The following WDR89 variants were observed in gnomAD, a reference collection of about 807,000 sequenced individuals.
WDR89 encodes WD repeat domain 89.
Under a neutral mutation model 29.1 loss-of-function variants are expected in WDR89, and 17 were observed. The observed-to-expected ratio is 0.58, with a 90% confidence interval of 0.40 to 0.88. The LOEUF (loss-of-function observed/expected upper bound fraction) is 0.88. Among genes scored for constraint, WDR89 ranks in the 40% least tolerant of loss-of-function variants. WDR89 has a pLI of 0.00. For missense variants in WDR89, 396 were observed against 456.3 expected (o/e 0.87, Z 1.20); for synonymous variants, 138 against 157.8 (o/e 0.87, Z 0.94).
At chr14:63,635,289 T>C (rs1595041011) in intron 1 of WDR89, among the ~76,000 whole-genome samples, 1 of 152,186 alleles carries the variant, frequency 6.6e-6, no homozygotes, top group African/African-American at 2.4e-5. Context: ...CATGATCAAG[T>C]AGGTTTCATA....
chr14:63,630,287 A>G (rs1883312593), intron 1 of WDR89, among the ~76,000 whole-genome samples: 1 of 152,004 alleles, frequency 6.6e-6, no homozygotes, highest in Non-Finnish European at 1.5e-5. Flanking sequence ...ACAATGTAGA[A>G]GATGGATTTA....
chr14:63,629,637 G>A (rs1883271571), intron 1 of WDR89, among the ~76,000 whole-genome samples: 1 of 152,238 alleles, frequency 6.6e-6, no homozygotes. Flanking sequence ...AGCAAGGGAA[G>A]AAGAGAAAGT....
chr14:63,611,389 C>A lies in WDR89; in HGVS notation c.-31-11416G>T, dbSNP rs115389964. 6.3e-3 allele frequency among the ~76,000 whole-genome samples: 813 copies of A among 128,268 alleles called. 6 individuals carry two copies. The highest frequency in any genetic ancestry group is 0.022 in the African/African-American group (780 of 34,934). 84.1% of individuals were successfully genotyped at this position (128,268 alleles called of 152,430 possible). The stretch of plus-strand genomic sequence containing the variant: ...TAAGATCATGAAAAAGAAAGAAAGA[C>A]CAACAAATCATCACAGATTGGGGGA... On this transcript the variant is annotated intron_variant, in intron 2 of 2. Transcript: ENST00000620954.
chr14:63,641,333 T>G (rs1474436274), intron 1 of WDR89: 1 of 152,194 alleles, frequency 6.6e-6, no homozygotes, highest in African/African-American at 2.4e-5. Context: ...AATGATATAA[T>G]AGACCAGTTG....
chr14:63,637,953 T>C (rs545167723), intron 1 of WDR89, among the ~76,000 whole-genome samples: 1 of 146,994 alleles, frequency 6.8e-6, no homozygotes, highest in Non-Finnish European at 1.5e-5. Context: ...TACGGAAAAA[T>C]TTTTTTTTTT....
intron 2 of WDR89, among the ~76,000 whole-genome samples, chr14:63,610,235 A>AAAAAAAAAAC (rs1566792310): frequency 6.6e-6 from 1 of 151,204 alleles, no homozygotes; most frequent in African/African-American, 2.4e-5. Flanking sequence ...AAAAAAAAAA[A>AAAAAAAAAAC]AAAAAAAAAC....
chr14:63,602,168 T>C lies in WDR89; in HGVS notation c.-31-2195A>G, dbSNP rs536173271. 3.3e-5 allele frequency among the ~76,000 whole-genome samples: 5 copies of C among 152,284 alleles called. No homozygotes were observed. In the East Asian group the frequency reaches 7.7e-4, roughly 24 times the overall value. Reference sequence around the variant, plus strand: ...GTTCTGCACAATGTATGGCATATCATAGTACCTACACAATAGATGTAATAG... The same window carrying C: ...GTTCTGCACAATGTATGGCATATCACAGTACCTACACAATAGATGTAATAG... On this transcript the variant is annotated intron_variant, in intron 2 of 2. Coordinates refer to ENST00000620954, the MANE Select transcript of WDR89 (RefSeq NM_080666.4).
intron 1 of WDR89, among the ~76,000 whole-genome samples, chr14:63,635,469 G>A (rs1233138980): frequency 6.6e-6 from 1 of 152,036 alleles, no homozygotes; most frequent in Non-Finnish European, 1.5e-5. Context: ...AGCATATAAG[G>A]GACATACCTT....
At chr14:63,623,391 TAAG>T in intron 2 of WDR89, among the ~76,000 whole-genome samples, 1 of 151,410 alleles carries the variant, frequency 6.6e-6, no homozygotes. Context: ...AAACAACTGG[TAAG>T]AAGGTAGATT....
intron 1 of WDR89, among the ~76,000 whole-genome samples, chr14:63,635,972 C>A (rs558207941): frequency 1.3e-5 from 2 of 152,080 alleles, no homozygotes; most frequent in Admixed American, 1.3e-4. Context: ...TTTGGAAGGC[C>A]GGGGCAGGTG....
intron 1 of WDR89, among the ~76,000 whole-genome samples, chr14:63,628,458 A>G (rs1213918014): frequency 6.6e-6 from 1 of 152,184 alleles, no homozygotes; most frequent in East Asian, 1.9e-4. Flanking sequence ...AAGCTCTATG[A>G]AGAAAAATAA....
intron 1 of WDR89, among the ~76,000 whole-genome samples, chr14:63,634,252 T>C (rs1883589251): frequency 1.3e-5 from 2 of 152,250 alleles, no homozygotes; most frequent in African/African-American, 4.8e-5. Context: ...CCAGGTGTGG[T>C]GGCTCACACT....
At position 63,619,038 on chromosome 14, in the gene WDR89, AT is replaced by A. The variant is rs1337976220; in HGVS notation, c.-32+5889del. On this transcript the variant is annotated intron_variant, in intron 2 of 2. Coordinates refer to ENST00000620954, the MANE Select transcript of WDR89 (RefSeq NM_080666.4). ...GAACAGAGATATTTTATGTGTGCGT[AT>A]TTTTAAAAATCATGGAGCGAATGCC... 3.3e-5 allele frequency among the ~76,000 whole-genome samples: 5 copies of A among 152,312 alleles called. No individual in the cohort carries two copies. In the East Asian group the frequency reaches 9.6e-4, roughly 29 times the overall value.
chr14:63,638,690 A>G (rs8020833), intron 1 of WDR89, among the ~76,000 whole-genome samples: 14,902 of 152,268 alleles, frequency 0.098, 1,624 homozygotes, highest in African/African-American at 0.27. Flanking sequence ...AAAATTGGCG[A>G]AGCTCCAACC....
At chr14:63,629,744 C>A in intron 1 of WDR89, among the ~76,000 whole-genome samples, 1 of 152,264 alleles carries the variant, frequency 6.6e-6, no homozygotes, top group South Asian at 2.1e-4. Context: ...ATCTTGTATA[C>A]CCAACTAAAA....
intron 2 of WDR89, among the ~76,000 whole-genome samples, chr14:63,608,020 A>G (rs557901949): frequency 1.4e-4 from 21 of 152,266 alleles, no homozygotes; most frequent in African/African-American, 5.1e-4. Flanking sequence ...AGCCTGGCCA[A>G]CATGGTGAAA....
chr14:63,620,103 T>C (rs1882598025), intron 2 of WDR89, among the ~76,000 whole-genome samples: 1 of 151,688 alleles, frequency 6.6e-6, no homozygotes, highest in Non-Finnish European at 1.5e-5. Flanking sequence ...ACAGCTAAGA[T>C]ATAGAATCAA....
In WDR89 at chr14:63,599,328, C is replaced by T; in HGVS notation, c.615G>A (p.Glu205=). 1 of 1,614,080 alleles carries T rather than the reference C, an allele frequency of 6.2e-7. No homozygotes were observed. The highest frequency in any genetic ancestry group is 8.5e-7 in the Non-Finnish European group (1 of 1,180,046). ...TACAGGTTGTAACCAGTGCATCCTC[C>T]TCATTATCAATATTAATATCAAATA... ...VNVFDINIDN[E]EDALVTTCNS... The change falls in exon 3 of 3, where the codon GAG becomes GAA. Residue 205 remains glutamate (E), a synonymous_variant. Coordinates refer to ENST00000620954, the MANE Select transcript of WDR89 (RefSeq NM_080666.4).
intron 1 of WDR89, among the ~76,000 whole-genome samples, chr14:63,628,024 C>G (rs1427030970): frequency 6.6e-6 from 1 of 152,108 alleles, no homozygotes; most frequent in Non-Finnish European, 1.5e-5. Flanking sequence ...TCCCTTGAGC[C>G]CAGGAGTTTG....
Sources: allele counts gnomAD v4.1 joint callset (sites outside exome capture counted in the v4.1 genomes callset), GRCh38; gene constraint gnomAD v4.1.1; transcripts MANE v1.5; gene names NCBI Gene and HGNC (gene_info 2026-07-23, HGNC 2026-07-21).